PRKD2: variants seen among roughly 807,000 people sequenced by gnomAD.
PRKD2 encodes the protein serine/threonine-protein kinase D2.
A neutral mutation model predicts 86.0 loss-of-function variants in PRKD2; 22 were observed. That is an observed-to-expected ratio of 0.26 (90% CI 0.18 to 0.37). The LOEUF (loss-of-function observed/expected upper bound fraction) is 0.37. Among genes scored for constraint, PRKD2 ranks in the 10% least tolerant of loss-of-function variants. The pLI is 1.00. For missense variants in PRKD2, 818 were observed against 1,199.2 expected (o/e 0.68, Z 4.70); for synonymous variants, 509 against 510.9 (o/e 1.00, Z 0.05).
chr19:46,713,789 C>G, intron 2 of PRKD2, 74 bp downstream of exon 2: 3 of 1,287,626 alleles, frequency 2.3e-6, no homozygotes, highest in Non-Finnish European at 3.2e-6. Context: ...CTTCTAACTC[C>G]CCCTACCCTC....
At chr19:46,679,539 C>T (rs2053264672) in intron 15 of PRKD2, among the ~76,000 whole-genome samples, 5 of 152,206 alleles carry the variant, frequency 3.3e-5, no homozygotes. Flanking sequence ...ATAGCAGCCT[C>T]CTCTCAGGCT....
At chr19:46,706,544 T>A (rs1197056159) in intron 3 of PRKD2, among the ~76,000 whole-genome samples, 1 of 152,206 alleles carries the variant, frequency 6.6e-6, no homozygotes, top group Non-Finnish European at 1.5e-5. Flanking sequence ...CAGAATCTTA[T>A]CTATAACTCT....
At chr19:46,691,033 C>G (rs1278496282) in intron 12 of PRKD2, among the ~76,000 whole-genome samples, 1 of 152,112 alleles carries the variant, frequency 6.6e-6, no homozygotes, top group Admixed American at 6.6e-5. Context: ...ACACCAGCAC[C>G]AGGGGAGGCA....
intron 5 of PRKD2, among the ~76,000 whole-genome samples, chr19:46,703,573 C>T (rs1371993173): frequency 6.6e-6 from 1 of 152,010 alleles, no homozygotes; most frequent in Non-Finnish European, 1.5e-5. Context: ...AGATCGAGAC[C>T]ATCCTAGCTA....
At position 46,716,055 on chromosome 19, in the gene PRKD2, A is replaced by G; in HGVS notation, c.240+76T>C. 6.4e-7 allele frequency: 1 copy of G among 1,557,964 alleles called. No homozygotes were observed. Among genetic ancestry groups the G allele is most frequent in the Non-Finnish European group, 8.7e-7 (1 of 1,153,556 alleles). ...CTCCTTCCTCCCTCTTCCGCACACCAGGCCCCAGACCCCTCTGCCAGCGCC... is the reference window on the plus strand; with the variant it reads ...CTCCTTCCTCCCTCTTCCGCACACCGGGCCCCAGACCCCTCTGCCAGCGCC... On this transcript the variant is annotated intron_variant, in intron 1 of 17. Coordinates refer to ENST00000291281, the MANE Select transcript of PRKD2 (RefSeq NM_016457.5). This position sits in a 1 kb window ranked among gnomAD's most constrained non-coding sequence, Gnocchi z 7.9.
chr19:46,706,409 A>C (rs2053714886), intron 3 of PRKD2, among the ~76,000 whole-genome samples: 2 of 152,160 alleles, frequency 1.3e-5, no homozygotes, highest in Non-Finnish European at 2.9e-5. Flanking sequence ...TGCTGTAATC[A>C]CGGAGGCAAG....
intron 2 of PRKD2, among the ~76,000 whole-genome samples, chr19:46,712,924 T>C (rs1240513791): frequency 4.6e-5 from 7 of 152,262 alleles, no homozygotes; most frequent in Non-Finnish European, 2.9e-5. Context: ...AAAATACTGA[T>C]GTGCAGATTC....
At chr19:46,692,166 G>A (rs1378746946) in intron 10 of PRKD2, among the ~76,000 whole-genome samples, 181 bp from the exon 11 acceptor site, 1 of 152,084 alleles carries the variant, frequency 6.6e-6, no homozygotes, top group East Asian at 1.9e-4. Context: ...TCTAGAAAAT[G>A]GGAATAATAA....
Position 46,693,007 on chromosome 19 carries a change from G to T in PRKD2, c.1576+868C>A, listed in dbSNP as rs1359929212. On this transcript the variant is annotated intron_variant, in intron 10 of 17. Coordinates refer to ENST00000291281, the MANE Select transcript of PRKD2 (RefSeq NM_016457.5). This position sits in a 1 kb window ranked among gnomAD's most constrained non-coding sequence, Gnocchi z 4.5. ...TATAAGCTCCAGAGGGTGGGAACCT[G>T]GTACTCTCTCAACATTTTTTGCCTC... Among the ~76,000 whole-genome samples, 1 of 152,088 alleles carries T rather than the reference G, an allele frequency of 6.6e-6. No individual in the cohort carries two copies. The highest frequency in any genetic ancestry group is 1.5e-5 in the Non-Finnish European group (1 of 68,022).
In PRKD2 at chr19:46,716,664, A is replaced by C; in HGVS notation, c.-294T>G. Reference sequence around the variant, plus strand: ...GAGATTCCAAGAAGCCTGAGAGGAAATCTAGTAGGTCGGGGTCACAGGGAT... The same window carrying C: ...GAGATTCCAAGAAGCCTGAGAGGAACTCTAGTAGGTCGGGGTCACAGGGAT... On this transcript the variant is annotated 5_prime_UTR_variant, in exon 1 of 18. Coordinates refer to ENST00000291281, the MANE Select transcript of PRKD2 (RefSeq NM_016457.5). This position sits in a 1 kb window ranked among gnomAD's most constrained non-coding sequence, Gnocchi z 7.9. The C allele has an allele frequency of 3.7e-6, 1 of 270,924 alleles. No homozygotes were observed. The highest frequency in any genetic ancestry group is 6.9e-6 in the Non-Finnish European group (1 of 144,622). 16.8% of individuals were successfully genotyped at this position (270,924 alleles called of 1,614,324 possible).
intron 1 of PRKD2, 158 bp from the exon 2 acceptor site, chr19:46,714,159 G>C: frequency 7.4e-7 from 1 of 1,342,730 alleles, no homozygotes; most frequent in South Asian, 1.9e-5. Flanking sequence ...CAACCCCAGC[G>C]CGAGCCGGGC....
chr19:46,681,768 C>T lies in PRKD2; in HGVS notation c.1972-20G>A, dbSNP rs764936972. On this transcript the variant is annotated intron_variant, in intron 14 of 17. Transcript: ENST00000291281. ...CAGGATCTGAGGGGAGCAGATGGGC[C>T]CAGTAAGAAAGGTAGATAGGTACTC... is the stretch of plus-strand genomic sequence containing the variant. The T allele has an allele frequency of 1.3e-6, 2 of 1,547,368 alleles. No homozygotes were observed. The highest frequency in any genetic ancestry group is 1.8e-6 in the Non-Finnish European group (2 of 1,120,016).
intron 7 of PRKD2, among the ~76,000 whole-genome samples, chr19:46,699,075 T>C (rs542213496): frequency 1.3e-5 from 2 of 152,264 alleles, no homozygotes; most frequent in South Asian, 4.1e-4. Context: ...ATCCCCTTTC[T>C]GTCCAACCCT....
intron 14 of PRKD2, among the ~76,000 whole-genome samples, chr19:46,684,683 G>C (rs2053367898): frequency 6.6e-6 from 1 of 152,184 alleles, no homozygotes; most frequent in African/African-American, 2.4e-5. Context: ...GGGCAGGTTA[G>C]GCCGGGCACG....
At chr19:46,689,383 C>T (rs962609920) in intron 14 of PRKD2, among the ~76,000 whole-genome samples, 154 bp downstream of exon 14, 16 of 152,032 alleles carry the variant, frequency 1.1e-4, no homozygotes, top group African/African-American at 3.4e-4. Flanking sequence ...GCTGGGATTA[C>T]GGGTGTGAGC....
intron 7 of PRKD2, among the ~76,000 whole-genome samples, chr19:46,698,295 TC>T (rs1235262630): frequency 2.6e-5 from 4 of 152,102 alleles, no homozygotes; most frequent in African/African-American, 9.7e-5. Flanking sequence ...TAGAATCCCT[TC>T]ACGAGATCCA....
intron 3 of PRKD2, chr19:46,709,499 A>C (rs956612560): frequency 2.0e-5 from 3 of 152,012 alleles, no homozygotes; most frequent in Non-Finnish European, 4.4e-5. Flanking sequence ...GAGTAGCTGG[A>C]ATTACAGGCG....
At chr19:46,681,178 G>A (rs1262292507) in intron 15 of PRKD2, among the ~76,000 whole-genome samples, 1 of 149,114 alleles carries the variant, frequency 6.7e-6, no homozygotes, top group Non-Finnish European at 1.5e-5. Flanking sequence ...GGATGGTCTC[G>A]ATCTCCTGAC....
At position 46,713,903 on chromosome 19, in the gene PRKD2, T is replaced by C. The variant is rs201674126; in HGVS notation, c.339A>G (p.Gly113=). 2 of 1,610,246 alleles carry C rather than the reference T, an allele frequency of 1.2e-6. No homozygotes were observed. Among genetic ancestry groups the C allele is most frequent in the African/African-American group, 1.3e-5 (1 of 74,650 alleles). The change falls in exon 2 of 18, where the codon GGA becomes GGG. Residue 113 remains glycine (G), a synonymous_variant. Transcript: ENST00000291281. The stretch of plus-strand genomic sequence containing the variant: ...CCACCAGGTCGCCCTCCTGGATGTC[T>C]CCGGACGAGCGCACCAGCTGCAGGA... ...ANLLQLVRSS[G]DIQEGDLVEV... is the part of the protein sequence containing the mutation.
Sources: gnomAD v4.1 joint callset for allele counts (sites outside exome capture counted in the v4.1 genomes callset) on GRCh38, gnomAD v4.1.1 for gene constraint, Gnocchi (gnomAD v3.1) non-coding constraint, MANE v1.5 for transcripts, NCBI Gene and HGNC (gene_info 2026-07-23, HGNC 2026-07-21) for gene names.